ZNF804B: variants seen among roughly 807,000 people sequenced by gnomAD.
The protein encoded by ZNF804B is zinc finger protein 804B.
Under a neutral mutation model 101.4 loss-of-function variants are expected in ZNF804B, and 80 were observed. The observed-to-expected ratio is 0.79, with a 90% confidence interval of 0.66 to 0.95. The LOEUF is 0.95. Among genes scored for constraint, ZNF804B ranks in the 40% least tolerant of loss-of-function variants. The pLI is 0.00. For synonymous variants in ZNF804B, 622 were observed against 558.8 expected, an observed-to-expected ratio of 1.11 and a Z score of -1.59; for missense variants, 1,673 against 1,561.9, an observed-to-expected ratio of 1.07 and a Z score of -1.20.
intron 1 of ZNF804B, among the ~76,000 whole-genome samples, chr7:89,003,972 A>G (rs967152821): frequency 6.6e-6 from 1 of 151,520 alleles, no homozygotes; most frequent in African/African-American, 2.4e-5. Context: ...ACTTTCATGC[A>G]TAATTGTTTA....
At chr7:88,826,140 G>C (rs1791048110) in intron 1 of ZNF804B, among the ~76,000 whole-genome samples, 1 of 152,084 alleles carries the variant, frequency 6.6e-6, no homozygotes, top group African/African-American at 2.4e-5. Flanking sequence ...GAATGATACA[G>C]AATTGTCTGA....
At chr7:88,914,631 T>C (rs1332800792) in intron 1 of ZNF804B, among the ~76,000 whole-genome samples, 1 of 152,188 alleles carries the variant, frequency 6.6e-6, no homozygotes, top group Non-Finnish European at 1.5e-5. Flanking sequence ...AATTCACTAA[T>C]ACAGTATATG....
At chr7:88,970,853 G>T (rs1367614425) in intron 1 of ZNF804B, among the ~76,000 whole-genome samples, 4 of 150,148 alleles carry the variant, frequency 2.7e-5, no homozygotes, top group Admixed American at 2.7e-4. Context: ...AGCATTAGGA[G>T]GTATACCTAA....
At chr7:88,867,135 A>C (rs1166956496) in intron 1 of ZNF804B, among the ~76,000 whole-genome samples, 1 of 152,214 alleles carries the variant, frequency 6.6e-6, no homozygotes, top group Non-Finnish European at 1.5e-5. Flanking sequence ...CATCATTAGG[A>C]GTAAACTTGC....
At chr7:88,989,122 A>T (rs1440879560) in intron 1 of ZNF804B, among the ~76,000 whole-genome samples, 1 of 151,986 alleles carries the variant, frequency 6.6e-6, no homozygotes, top group Non-Finnish European at 1.5e-5. Context: ...TCCCGGGTTC[A>T]AGGGATTCTC....
rs79180124 is a variant in ZNF804B, at chr7:88,981,065, A to G, written c.108+220981A>G. 3.6e-4 allele frequency among the ~76,000 whole-genome samples: 54 copies of G among 152,112 alleles called. No homozygotes were observed. In the East Asian group the frequency reaches 9.0e-3, roughly 25 times the overall value. On this transcript the variant is annotated intron_variant, in intron 1 of 3. Transcript: ENST00000333190. ...TCACTCTTCCCTCTTCTTTCCTCAA[A>G]TAGGAGTCTCTTCTCATAGCCACCA...
At chr7:89,094,400 A>T (rs1789939924) in intron 1 of ZNF804B, among the ~76,000 whole-genome samples, 1 of 152,080 alleles carries the variant, frequency 6.6e-6, no homozygotes, top group East Asian at 1.9e-4. Flanking sequence ...TGTCTTTTTG[A>T]GGTTTCCTAA....
At chr7:89,109,858 C>T (rs1207977063) in intron 1 of ZNF804B, among the ~76,000 whole-genome samples, 2 of 152,028 alleles carry the variant, frequency 1.3e-5, no homozygotes, top group Non-Finnish European at 1.5e-5. Context: ...ATATGTCTTA[C>T]TAGTGCATAA....
intron 1 of ZNF804B, among the ~76,000 whole-genome samples, chr7:88,913,302 C>T (rs914841868): frequency 3.3e-5 from 5 of 152,096 alleles, no homozygotes; most frequent in African/African-American, 1.2e-4. Context: ...ATTTAGGAAA[C>T]CTTATTACTT....
At chr7:88,906,722 A>G (rs1348153027) in intron 1 of ZNF804B, among the ~76,000 whole-genome samples, 1 of 152,016 alleles carries the variant, frequency 6.6e-6, no homozygotes, top group Admixed American at 6.6e-5. Context: ...TGTTGGGTGG[A>G]GTGTTCTATA....
intron 2 of ZNF804B, among the ~76,000 whole-genome samples, chr7:89,286,229 G>C: frequency 6.6e-6 from 1 of 151,876 alleles, no homozygotes; most frequent in South Asian, 2.1e-4. Flanking sequence ...AGGACTTTAA[G>C]GCTCATTACA....
chr7:88,931,268 A>C (rs1792880584), intron 1 of ZNF804B, among the ~76,000 whole-genome samples: 1 of 151,954 alleles, frequency 6.6e-6, no homozygotes, highest in Non-Finnish European at 1.5e-5. Flanking sequence ...TAGTTAATTC[A>C]TGCATGATAG....
intron 1 of ZNF804B, among the ~76,000 whole-genome samples, chr7:88,947,960 T>C (rs192294523): frequency 7.4e-4 from 113 of 152,086 alleles, no homozygotes; most frequent in African/African-American, 2.4e-3. Context: ...CTTTGTAAAT[T>C]GTGTTGTAAT....
At chr7:89,081,798 T>C (rs1446487068) in intron 1 of ZNF804B, among the ~76,000 whole-genome samples, 2 of 151,786 alleles carry the variant, frequency 1.3e-5, no homozygotes, top group African/African-American at 4.8e-5. Context: ...ATAGATCATG[T>C]TGTCAATGAC....
At chr7:88,830,511 T>A (rs1791116395) in intron 1 of ZNF804B, among the ~76,000 whole-genome samples, 1 of 152,058 alleles carries the variant, frequency 6.6e-6, no homozygotes, top group African/African-American at 2.4e-5. Context: ...ATACTCAAAA[T>A]GTTAACACAC....
intron 2 of ZNF804B, among the ~76,000 whole-genome samples, chr7:89,282,062 G>A (rs1307024106): frequency 4.0e-5 from 6 of 151,874 alleles, no homozygotes; most frequent in Non-Finnish European, 5.9e-5. Context: ...TTAGCCGGGC[G>A]TGGTGGCGGG....
chr7:88,843,066 C>T (rs1000678759), intron 1 of ZNF804B, among the ~76,000 whole-genome samples: 16 of 152,080 alleles, frequency 1.1e-4, no homozygotes, highest in Non-Finnish European at 2.1e-4. Context: ...TGTGATTCTT[C>T]AGTAGAAGGA....
intron 1 of ZNF804B, among the ~76,000 whole-genome samples, chr7:89,068,645 A>G (rs1308651514): frequency 1.3e-5 from 2 of 152,212 alleles, no homozygotes; most frequent in African/African-American, 2.4e-5. Flanking sequence ...GGGAGATGCT[A>G]TAGTACTGGC....
intron 1 of ZNF804B, among the ~76,000 whole-genome samples, chr7:89,005,245 C>G (rs1357359235): frequency 1.3e-5 from 2 of 151,954 alleles, no homozygotes; most frequent in African/African-American, 4.8e-5. Context: ...TACAGACACT[C>G]CAACTGATGG....
Sources: allele counts gnomAD v4.1 joint callset (sites outside exome capture counted in the v4.1 genomes callset), GRCh38; gene constraint gnomAD v4.1.1; transcripts MANE v1.5; gene names NCBI Gene and HGNC (gene_info 2026-07-23, HGNC 2026-07-21).